Variants in ARHGAP24 observed in about 807,000 individuals in gnomAD.
ARHGAP24 encodes rho GTPase-activating protein 24.
In ARHGAP24, 50 loss-of-function variants were observed where a neutral mutation model predicts 76.4. The ratio of observed to expected loss-of-function variants is 0.65; its 90% CI spans 0.52 to 0.83. ARHGAP24 has a LOEUF of 0.83. ARHGAP24 is among the 40% of genes least tolerant of loss of function. ARHGAP24 has a pLI of 0.00. For missense variants in ARHGAP24, 930 were observed against 914.2 expected (o/e 1.02, Z -0.22); for synonymous variants, 345 against 323.3 (o/e 1.07, Z -0.72).
At chr4:85,900,183 A>G (rs1204956251) in intron 3 of ARHGAP24, among the ~76,000 whole-genome samples, 1 of 152,240 alleles carries the variant, frequency 6.6e-6, no homozygotes, top group Non-Finnish European at 1.5e-5. Context: ...ATATATTTGC[A>G]TATTCTTAAT....
intron 3 of ARHGAP24, among the ~76,000 whole-genome samples, chr4:85,819,937 C>G (rs1729397036): frequency 6.6e-6 from 1 of 150,476 alleles, no homozygotes; most frequent in Admixed American, 6.6e-5. Flanking sequence ...CAAGTAGATG[C>G]CAGCATCATG....
At chr4:85,917,563 CT>C (rs1228054240) in intron 3 of ARHGAP24, among the ~76,000 whole-genome samples, 2 of 152,168 alleles carry the variant, frequency 1.3e-5, no homozygotes, top group African/African-American at 2.4e-5. Context: ...TCCACATCCT[CT>C]CCAACATCTG....
At chr4:85,798,670 G>A (rs565017602) in intron 3 of ARHGAP24, among the ~76,000 whole-genome samples, 4 of 152,256 alleles carry the variant, frequency 2.6e-5, no homozygotes, top group South Asian at 4.1e-4. Flanking sequence ...GGAAGCTACC[G>A]AAGTTACAGA....
intron 1 of ARHGAP24, among the ~76,000 whole-genome samples, chr4:85,565,960 A>G (rs1484623819): frequency 6.6e-6 from 1 of 152,192 alleles, no homozygotes; most frequent in African/African-American, 2.4e-5. Flanking sequence ...GGTTGCAACA[A>G]AGAACCATAC....
intron 1 of ARHGAP24, among the ~76,000 whole-genome samples, chr4:85,554,701 A>G (rs1056657854): frequency 1.1e-4 from 16 of 151,998 alleles, no homozygotes; most frequent in African/African-American, 3.9e-4. Context: ...TCACTCTGTC[A>G]CCCAGGCTGG....
intron 5 of ARHGAP24, among the ~76,000 whole-genome samples, chr4:85,957,754 A>G (rs934597893): frequency 6.6e-6 from 1 of 152,200 alleles, no homozygotes; most frequent in Admixed American, 6.5e-5. Flanking sequence ...TAAACACACC[A>G]AAGTCTGAAA....
chr4:85,845,230 AT>A (rs1387000786), intron 3 of ARHGAP24, among the ~76,000 whole-genome samples: 3 of 152,222 alleles, frequency 2.0e-5, no homozygotes, highest in Non-Finnish European at 2.9e-5. Context: ...CATAATTATG[AT>A]TTTACCCAAC....
intron 2 of ARHGAP24, among the ~76,000 whole-genome samples, chr4:85,658,351 C>A (rs942371951): frequency 6.6e-6 from 1 of 152,036 alleles, no homozygotes; most frequent in African/African-American, 2.4e-5. Flanking sequence ...CTGAGACAAA[C>A]CTTTTTTCAT....
chr4:85,506,737 C>A (rs1434915647), intron 1 of ARHGAP24, among the ~76,000 whole-genome samples: 8 of 152,230 alleles, frequency 5.3e-5, no homozygotes, highest in African/African-American at 1.9e-4. Flanking sequence ...TCGACTCACC[C>A]TCTGTGGGCT....
At chr4:85,986,401 G>A (rs928822564) in intron 8 of ARHGAP24, among the ~76,000 whole-genome samples, 2 of 152,100 alleles carry the variant, frequency 1.3e-5, no homozygotes, top group African/African-American at 2.4e-5. Flanking sequence ...AAAACTATAT[G>A]AAGCAGCAGT....
At chr4:85,771,379 T>A (rs115301099) in intron 3 of ARHGAP24, among the ~76,000 whole-genome samples, 1 of 152,134 alleles carries the variant, frequency 6.6e-6, no homozygotes, top group Non-Finnish European at 1.5e-5. Context: ...GAGGAGAAAA[T>A]AAATGTCCCA....
intron 1 of ARHGAP24, among the ~76,000 whole-genome samples, chr4:85,475,888 A>G (rs1357743088): frequency 6.6e-6 from 1 of 151,508 alleles, no homozygotes; most frequent in Non-Finnish European, 1.5e-5. Context: ...CCTTTGTACA[A>G]TTCAATTTCC....
At chr4:85,905,112 A>G (rs1392692633) in intron 3 of ARHGAP24, among the ~76,000 whole-genome samples, 2 of 152,188 alleles carry the variant, frequency 1.3e-5, no homozygotes, top group Non-Finnish European at 1.5e-5. Flanking sequence ...ATTACAAAAA[A>G]CATTAGAGCA....
chr4:85,645,952 A>G (rs937224864), intron 2 of ARHGAP24, among the ~76,000 whole-genome samples: 4 of 151,998 alleles, frequency 2.6e-5, no homozygotes. Context: ...GTTCTATCTC[A>G]TTATACAAAT....
chr4:85,481,643 T>C (rs1157587925), intron 1 of ARHGAP24, among the ~76,000 whole-genome samples: 2 of 152,162 alleles, frequency 1.3e-5, no homozygotes, highest in Non-Finnish European at 1.5e-5. Flanking sequence ...AGGAAAGGTG[T>C]GGTCCACAGA....
intron 2 of ARHGAP24, among the ~76,000 whole-genome samples, chr4:85,634,560 A>T (rs1721253260): frequency 6.6e-6 from 1 of 151,798 alleles, no homozygotes; most frequent in Admixed American, 6.6e-5. Flanking sequence ...CCTGCATGTC[A>T]TTCTTTCAGG....
intron 3 of ARHGAP24, among the ~76,000 whole-genome samples, chr4:85,798,205 G>A (rs1049279230): frequency 6.6e-6 from 1 of 152,132 alleles, no homozygotes; most frequent in Non-Finnish European, 1.5e-5. Flanking sequence ...GAGCAATAGT[G>A]GTATGCCTGT....
In ARHGAP24 at chr4:85,669,579, T is replaced by G. The variant is rs7687667; in HGVS notation, c.181-52306T>G. Among the ~76,000 whole-genome samples the G allele has an allele frequency of 4.0e-3, 601 of 149,106 alleles. 3 individuals are homozygous for G. The highest frequency in any genetic ancestry group is 0.013 in the African/African-American group (544 of 40,520). ...ACACATGTAGACACACAAATATGCT[T>G]ACATATATATTAAAAATCTGAATTA... On this transcript the variant is annotated intron_variant, in intron 2 of 9. Transcript: ENST00000395184.
chr4:85,479,161 C>T (rs1364397637), intron 1 of ARHGAP24, among the ~76,000 whole-genome samples: 2 of 152,170 alleles, frequency 1.3e-5, no homozygotes, highest in African/African-American at 4.8e-5. Context: ...AGTTCATTTT[C>T]CAAATATAAC....
Sources: gnomAD v4.1 joint callset for allele counts (sites outside exome capture counted in the v4.1 genomes callset) on GRCh38, gnomAD v4.1.1 for gene constraint, MANE v1.5 for transcripts, NCBI Gene and HGNC (gene_info 2026-07-23, HGNC 2026-07-21) for gene names.